The following NPC1 variants were observed in gnomAD, a reference collection of about 807,000 sequenced individuals.
NPC1 encodes the protein Niemann-Pick C1 protein.
NPC1 carries 85 observed loss-of-function variants against 140.4 expected under a neutral mutation model. The ratio of observed to expected loss-of-function variants is 0.61; its 90% CI spans 0.51 to 0.72. The LOEUF (loss-of-function observed/expected upper bound fraction) is 0.72. Ranked by LOEUF, NPC1 falls within the 30% of genes least tolerant of loss-of-function variation. The probability of loss-of-function intolerance (pLI) is 0.00; values close to 1 mark genes in which losing one functional copy is unlikely to be tolerated. For synonymous variants in NPC1, 656 were observed against 624.8 expected, an observed-to-expected ratio of 1.05 and a Z score of -0.74; for missense variants, 1,504 against 1,623.8, an observed-to-expected ratio of 0.93 and a Z score of 1.27.
At chr18:23,516,143 T>G (rs2057998559) in intron 3 of NPC1, 2 of 1,361,576 alleles carry the variant, frequency 1.5e-6, no homozygotes, top group Non-Finnish European at 2.0e-6. Flanking sequence ...TGTATACCCG[T>G]CAGCTCCTGG....
chr18:23,513,532 C>T (rs899778491), intron 3 of NPC1, among the ~76,000 whole-genome samples: 14 of 152,192 alleles, frequency 9.2e-5, no homozygotes, highest in African/African-American at 2.4e-4. Context: ...TTCAAGATCC[C>T]GTTTTCAGTT....
Position 23,556,578 on chromosome 18 carries a change from A to C in NPC1, c.991T>G (p.Phe331Val). 6.2e-7 allele frequency: 1 copy of C among 1,614,098 alleles called. No homozygotes were observed. The highest frequency in any genetic ancestry group is 8.5e-7 in the Non-Finnish European group (1 of 1,179,990). ...AACAGCCGCCTCAAGCAGCCCTCAA[A>C]TGCTGCGCTGACAGGGTCACAGCAG... ...ASCCDPVSAA[F>V]EGCLRRLFTR... Residue 331 changes from phenylalanine (F) to valine (V), a missense_variant, in exon 8 of 25, where the codon TTT becomes GTT. Coordinates refer to ENST00000269228, the MANE Select transcript of NPC1 (RefSeq NM_000271.5).
intron 4 of NPC1, among the ~76,000 whole-genome samples, chr18:23,562,813 C>T (rs1211422754): frequency 2.0e-5 from 3 of 151,732 alleles, no homozygotes; most frequent in South Asian, 2.1e-4. Context: ...ATGGCAAAAC[C>T]CCGTCTCTAC....
intron 1 of NPC1, among the ~76,000 whole-genome samples, chr18:23,575,531 C>T (rs771701368): frequency 2.6e-5 from 4 of 151,980 alleles, no homozygotes; most frequent in Non-Finnish European, 5.9e-5. Context: ...TCACAGGTTC[C>T]TGTGAAGATC....
chr18:23,536,740 G>A lies in NPC1; in HGVS notation c.3178C>T (p.Leu1060Phe), dbSNP rs1285316145. 14 of 1,614,074 alleles carry A rather than the reference G, an allele frequency of 8.7e-6. No individual in the cohort carries two copies. Among genetic ancestry groups the A allele is most frequent in the Non-Finnish European group, 1.2e-5 (14 of 1,180,046 alleles). ...DFIDALKKAR[L>F]IASNVTETMG... is the part of the protein sequence containing the mutation. ...GTTTCGGTGACATTACTGGCTATAAGTCGGGCTTTCTTCAGAGCGTCAATA... is the reference window on the plus strand; with the variant it reads ...GTTTCGGTGACATTACTGGCTATAAATCGGGCTTTCTTCAGAGCGTCAATA... The change falls in exon 21 of 25, where the codon CTT becomes TTT. Residue 1060 changes from leucine (L) to phenylalanine (F), a missense_variant. Transcript: ENST00000269228.
rs771450213 is a variant in NPC1 at position 23,556,322 on chromosome 18, T to C, written c.1247A>G (p.Asp416Gly). 7.4e-6 allele frequency: 12 copies of C among 1,613,888 alleles called. No individual in the cohort carries two copies. Among genetic ancestry groups the C allele is most frequent in the Non-Finnish European group, 1.0e-5 (12 of 1,179,992 alleles). Residue 416 changes from aspartate (D) to glycine (G), a missense_variant, in exon 8 of 25, where the codon GAC becomes GGC. By Grantham distance (94) the Asp-to-Gly change is moderately conservative. Coordinates refer to ENST00000269228, the MANE Select transcript of NPC1 (RefSeq NM_000271.5). Reference sequence around the variant, plus strand: ...AGGGTATGGCTGGTAAATGTGTTTGTCAGTGAGAGGGGCCCGGATGATGAG... The same window carrying C: ...AGGGTATGGCTGGTAAATGTGTTTGCCAGTGAGAGGGGCCCGGATGATGAG... ...EQLIIRAPLT[D>G]KHIYQPYPSG... is the part of the protein sequence containing the mutation.
chr18:23,545,827 C>G (rs964344801), intron 11 of NPC1, among the ~76,000 whole-genome samples: 5 of 152,162 alleles, frequency 3.3e-5, no homozygotes, highest in Non-Finnish European at 5.9e-5. Flanking sequence ...CTCCTGGCCT[C>G]AAGGCATTCC....
chr18:23,547,078 A>G (rs769818343), intron 11 of NPC1, among the ~76,000 whole-genome samples: 5 of 152,080 alleles, frequency 3.3e-5, no homozygotes, highest in Non-Finnish European at 1.5e-5. Context: ...TGGGCCTCCC[A>G]AAGTGCTGGG....
intron 1 of NPC1, among the ~76,000 whole-genome samples, chr18:23,578,122 G>T (rs1472943537): frequency 6.6e-6 from 1 of 152,264 alleles, no homozygotes; most frequent in Non-Finnish European, 1.5e-5. Flanking sequence ...TGCCACCAAA[G>T]TGGGAGCCCA....
At chr18:23,570,611 AT>A (rs1391507872) in intron 3 of NPC1, among the ~76,000 whole-genome samples, 1 of 152,328 alleles carries the variant, frequency 6.6e-6, no homozygotes, top group Admixed American at 6.5e-5. Flanking sequence ...GCAGAGAAGC[AT>A]TTTCCCTTTT....
chr18:23,540,602 A>C, intron 16 of NPC1, 65 bp from the exon 17 acceptor site: 1 of 1,183,506 alleles, frequency 8.4e-7, no homozygotes, highest in Non-Finnish European at 1.3e-6. Context: ...CCAGAAATAA[A>C]ATCTTAAGCA....
rs187873635 is a variant in NPC1, at chr18:23,540,980, C to T, written c.2514+88G>A. The T allele has an allele frequency of 4.3e-4, 618 of 1,437,488 alleles. 2 individuals carry two copies. The highest frequency in any genetic ancestry group is 5.6e-4 in the Non-Finnish European group (569 of 1,020,574). 89.0% of individuals were successfully genotyped at this position (1,437,488 alleles called of 1,614,324 possible). A position where few individuals can be genotyped will look rare whatever the true frequency, so the allele number is the denominator to read the frequency against. On this transcript the variant is annotated intron_variant, in intron 16 of 24. Coordinates refer to ENST00000269228, the MANE Select transcript of NPC1 (RefSeq NM_000271.5). ...GATACATTTTAACAGCTTTAAGAAT[C>T]TCCTTCCCAGGCTGTCTGGCTTCTT...
At chr18:23,572,472 C>T (rs1179797951) in intron 2 of NPC1, among the ~76,000 whole-genome samples, 1 of 152,112 alleles carries the variant, frequency 6.6e-6, no homozygotes, top group Non-Finnish European at 1.5e-5. Context: ...TCAATTCAAC[C>T]AGAGTGCTAC....
Position 23,560,442 on chromosome 18 carries a change from T to C in NPC1, c.670A>G (p.Thr224Ala). 3 of 1,614,142 alleles carry C rather than the reference T, an allele frequency of 1.9e-6. No homozygotes were observed. Among genetic ancestry groups the C allele is most frequent in the Non-Finnish European group, 2.5e-6 (3 of 1,180,016 alleles). The change falls in exon 6 of 25, where the codon ACC becomes GCC. Residue 224 changes from threonine to alanine, a missense_variant. By Grantham distance (58) the Thr-to-Ala change is moderately conservative (BLOSUM62 0). Transcript: ENST00000269228. ...VHGMEPMNNA[T>A]KGCDESVDEV... ...TCCACAGACTCGTCACAGCCTTTGG[T>C]GGCATTGTTCATGGGCTCCATCCCA... is the stretch of plus-strand genomic sequence containing the variant.
intron 5 of NPC1, among the ~76,000 whole-genome samples, chr18:23,560,768 G>A (rs1319065301): frequency 6.6e-6 from 1 of 152,136 alleles, no homozygotes; most frequent in African/African-American, 2.4e-5. Context: ...ATTCTCAGGA[G>A]CTAATACTAT....
downstream of NPC1, among the ~76,000 whole-genome samples, chr18:23,524,941 C>CTTTTTT (rs5823396): frequency 1.2e-3 from 83 of 69,204 alleles, no homozygotes; most frequent in East Asian, 2.0e-3. Flanking sequence ...TTAGAGAAAT[C>CTTTTTT]TTTTTTTTTT....
Position 23,540,464 on chromosome 18 carries a change from G to T in NPC1, c.2588C>A (p.Ser863Tyr). 6.2e-7 allele frequency: 1 copy of T among 1,602,636 alleles called. No homozygotes were observed. The highest frequency in any genetic ancestry group is 8.5e-7 in the Non-Finnish European group (1 of 1,171,034). Residue 863 changes from serine to tyrosine, a missense_variant, in exon 17 of 25, where the codon TCT becomes TAT. By Grantham distance (144) the Ser-to-Tyr change is moderately radical (BLOSUM62 -2). Transcript: ENST00000269228. The stretch of plus-strand genomic sequence containing the variant: ...TCATCTTACATCTGGCATCGAAAGA[G>T]ACTGATCCAATCCAATATCTACTTT... ...LNKVDIGLDQ[S>Y]LSMPDDSYMV...
chr18:23,564,514 G>GTTT, intron 4 of NPC1, among the ~76,000 whole-genome samples: 1 of 151,128 alleles, frequency 6.6e-6, no homozygotes, highest in Non-Finnish European at 1.5e-5. Context: ...GTAGACACAG[G>GTTT]GTCTCACTTT....
intron 1 of NPC1, among the ~76,000 whole-genome samples, chr18:23,579,790 C>T (rs1318520908): frequency 6.6e-6 from 1 of 151,672 alleles, no homozygotes; most frequent in East Asian, 1.9e-4. Context: ...CAGGCTGAGA[C>T]AGGAGAATGG....
Sources: allele counts gnomAD v4.1 joint callset (sites outside exome capture counted in the v4.1 genomes callset), GRCh38; gene constraint gnomAD v4.1.1; transcripts MANE v1.5; gene names NCBI Gene and HGNC (gene_info 2026-07-23, HGNC 2026-07-21).